The following NSUN6 variants were observed in gnomAD, a reference collection of about 807,000 sequenced individuals.
NSUN6 encodes the protein NOP2/Sun RNA methyltransferase 6.
NSUN6 carries 64 observed loss-of-function variants against 58.0 expected under a neutral mutation model. The ratio of observed to expected loss-of-function variants is 1.10; its 90% CI spans 0.90 to 1.36. The LOEUF (loss-of-function observed/expected upper bound fraction) is 1.36, where lower values mean the gene tolerates loss of function less well. Ranked by LOEUF, NSUN6 falls within the 40% of genes most tolerant of loss-of-function variation. The pLI is 0.00. For synonymous variants in NSUN6, 231 were observed against 193.9 expected (o/e 1.19, Z -1.59); for missense variants, 701 against 550.1 (o/e 1.27, Z -2.74).
chr10:18,618,401 G>C (rs926875355), intron 3 of NSUN6, among the ~76,000 whole-genome samples: 1 of 151,976 alleles, frequency 6.6e-6, no homozygotes, highest in African/African-American at 2.4e-5. Flanking sequence ...ATAAATGCTG[G>C]TCAGGTGCAG....
At chr10:18,568,746 A>T (rs1180175881) in intron 8 of NSUN6, among the ~76,000 whole-genome samples, 2 of 149,652 alleles carry the variant, frequency 1.3e-5, no homozygotes, top group Non-Finnish European at 3.0e-5. Flanking sequence ...TGCATTCCAT[A>T]TTCCAATACA....
chr10:18,570,730 C>T (rs2056307752), intron 8 of NSUN6, among the ~76,000 whole-genome samples: 1 of 150,764 alleles, frequency 6.6e-6, no homozygotes, highest in Admixed American at 6.6e-5. Flanking sequence ...ATTCTCCACT[C>T]CATTTCATTC....
intron 3 of NSUN6, among the ~76,000 whole-genome samples, chr10:18,630,809 A>G (rs1450794561): frequency 4.6e-5 from 7 of 152,178 alleles, no homozygotes; most frequent in Non-Finnish European, 1.5e-5. Context: ...TTCACAGCCA[A>G]ATTCTACCAG....
At chr10:18,573,531 A>G (rs1005256546) in intron 8 of NSUN6, among the ~76,000 whole-genome samples, 42 of 151,300 alleles carry the variant, frequency 2.8e-4, no homozygotes, top group African/African-American at 9.2e-4. Flanking sequence ...TCCATTCTCC[A>G]TTCCCTTCTC....
intron 2 of NSUN6, among the ~76,000 whole-genome samples, chr10:18,644,633 G>A (rs1407573791): frequency 1.3e-5 from 2 of 150,808 alleles, no homozygotes; most frequent in South Asian, 2.1e-4. Context: ...TCAGGAGATC[G>A]AGACCATCCT....
chr10:18,627,852 G>A (rs1470345767), intron 3 of NSUN6, among the ~76,000 whole-genome samples: 2 of 152,252 alleles, frequency 1.3e-5, no homozygotes, highest in African/African-American at 4.8e-5. Flanking sequence ...CCATTGCCCA[G>A]GCTTGCTTAG....
At chr10:18,596,437 G>A (rs1488144398) in intron 6 of NSUN6, 110 bp from the exon 7 acceptor site, 16 of 645,766 alleles carry the variant, frequency 2.5e-5, no homozygotes, top group Admixed American at 1.5e-4. Context: ...GCATCCTCAC[G>A]TCTGCTAAGA....
chr10:18,569,084 A>T (rs2056177323), intron 8 of NSUN6, among the ~76,000 whole-genome samples: 1 of 148,750 alleles, frequency 6.7e-6, no homozygotes, highest in South Asian at 2.1e-4. Flanking sequence ...TCTCCATTCC[A>T]TTCAATTCCA....
At chr10:18,552,474 T>TTCCACGAAG (rs1228499938) in intron 8 of NSUN6, among the ~76,000 whole-genome samples, 6 of 152,138 alleles carry the variant, frequency 3.9e-5, no homozygotes, top group Non-Finnish European at 5.9e-5. Flanking sequence ...AGATTCAATC[T>TTCCACGAAG]TCCACGAAGT....
intron 3 of NSUN6, among the ~76,000 whole-genome samples, chr10:18,626,489 C>A (rs145869684): frequency 3.9e-5 from 6 of 152,312 alleles, no homozygotes; most frequent in African/African-American, 1.4e-4. Flanking sequence ...CTTAATGGGC[C>A]GGACACAGTG....
intron 8 of NSUN6, among the ~76,000 whole-genome samples, chr10:18,564,326 TTTCCATTCTCCATTGCA>T (rs921977596): frequency 3.3e-4 from 50 of 150,484 alleles, no homozygotes; most frequent in Non-Finnish European, 5.6e-4. Context: ...TCCGCATTCC[TTTCCATTCTCCATTGCA>T]TTCCATTCTC....
chr10:18,598,860 T>C (rs2057698065), intron 6 of NSUN6, among the ~76,000 whole-genome samples: 2 of 152,204 alleles, frequency 1.3e-5, no homozygotes, highest in Non-Finnish European at 2.9e-5. Context: ...TGATTCTTTA[T>C]CTAGAGACAG....
intron 8 of NSUN6, among the ~76,000 whole-genome samples, chr10:18,564,170 T>C (rs746619480): frequency 1.3e-4 from 20 of 151,458 alleles, no homozygotes; most frequent in Non-Finnish European, 2.9e-4. Context: ...CATTCCATTT[T>C]CCATTCCATA....
chr10:18,651,099 A>T, intron 1 of NSUN6, 30 bp downstream of exon 1: 2 of 1,569,308 alleles, frequency 1.3e-6, no homozygotes, highest in Non-Finnish European at 1.7e-6. Context: ...GTTTTTGCAA[A>T]ATATCAACTA....
chr10:18,604,178 T>C (rs2057960838), intron 6 of NSUN6, among the ~76,000 whole-genome samples: 1 of 152,114 alleles, frequency 6.6e-6, no homozygotes, highest in African/African-American at 2.4e-5. Flanking sequence ...TGAGCCTCCA[T>C]ATCAAAAAGC....
intron 3 of NSUN6, among the ~76,000 whole-genome samples, chr10:18,642,113 G>A (rs1009518076): frequency 1.3e-5 from 2 of 151,902 alleles, no homozygotes; most frequent in African/African-American, 4.8e-5. Flanking sequence ...GTAGAAAACA[G>A]GTTACTCTAT....
chr10:18,572,385 T>TATTCC (rs1462414912), intron 8 of NSUN6, among the ~76,000 whole-genome samples: 2 of 150,576 alleles, frequency 1.3e-5, no homozygotes, highest in East Asian at 2.0e-4. Flanking sequence ...TTCCATTTTC[T>TATTCC]ATTCCATTCC....
At chr10:18,608,705 T>G (rs2058125827) in intron 6 of NSUN6, among the ~76,000 whole-genome samples, 1 of 148,486 alleles carries the variant, frequency 6.7e-6, no homozygotes, top group African/African-American at 2.5e-5. Context: ...AAGAGAAAAC[T>G]AACATTGCAT....
intron 3 of NSUN6, among the ~76,000 whole-genome samples, chr10:18,623,931 C>T (rs1260849017): frequency 6.6e-6 from 1 of 152,108 alleles, no homozygotes; most frequent in East Asian, 1.9e-4. Context: ...CATGCTCTTT[C>T]CCCCATTCTG....
Sources: gnomAD v4.1 joint callset for allele counts (sites outside exome capture counted in the v4.1 genomes callset) on GRCh38, gnomAD v4.1.1 for gene constraint, MANE v1.5 for transcripts, NCBI Gene and HGNC (gene_info 2026-07-23, HGNC 2026-07-21) for gene names.